Variants in SLMAP observed in about 807,000 individuals in gnomAD.
SLMAP encodes sarcolemmal membrane-associated protein.
A neutral mutation model predicts 128.8 loss-of-function variants in SLMAP; 44 were observed. The observed-to-expected ratio is 0.34, with a 90% confidence interval of 0.27 to 0.44. SLMAP has a LOEUF of 0.44. Ranked by LOEUF, SLMAP falls within the 20% of genes least tolerant of loss-of-function variation. SLMAP has a pLI of 1.00. For missense variants in SLMAP, 787 were observed against 985.3 expected, an observed-to-expected ratio of 0.80 and a Z score of 2.69; for synonymous variants, 327 against 348.8, an observed-to-expected ratio of 0.94 and a Z score of 0.70.
At chr3:57,883,292 A>T (rs1339186160) in intron 14 of SLMAP, among the ~76,000 whole-genome samples, 1 of 152,208 alleles carries the variant, frequency 6.6e-6, no homozygotes, top group Non-Finnish European at 1.5e-5. Flanking sequence ...TTTCTGGGTG[A>T]AGATGTTTGG....
intron 2 of SLMAP, among the ~76,000 whole-genome samples, chr3:57,827,828 A>G (rs2093031680): frequency 6.6e-6 from 1 of 151,994 alleles, no homozygotes; most frequent in African/African-American, 2.4e-5. Context: ...GGTTATCAGC[A>G]TAGAGGAGAA....
intron 13 of SLMAP, among the ~76,000 whole-genome samples, chr3:57,867,501 A>G (rs2095338338): frequency 6.6e-6 from 1 of 152,078 alleles, no homozygotes; most frequent in South Asian, 2.1e-4. Flanking sequence ...TTTTTTCCTT[A>G]TTTGTGTGCT....
chr3:57,785,036 T>C (rs1279939536), intron 2 of SLMAP, among the ~76,000 whole-genome samples: 4 of 152,170 alleles, frequency 2.6e-5, no homozygotes, highest in Non-Finnish European at 5.9e-5. Context: ...TTTATATATA[T>C]ATATAGTTAT....
intron 2 of SLMAP, 140 bp downstream of exon 2, chr3:57,757,989 T>C: frequency 5.8e-6 from 4 of 691,592 alleles, no homozygotes; most frequent in Non-Finnish European, 2.5e-6. Flanking sequence ...ATCAACTGTT[T>C]GTGTGCCTGG....
At chr3:57,838,790 G>A (rs898251922) in intron 3 of SLMAP, among the ~76,000 whole-genome samples, 4 of 152,166 alleles carry the variant, frequency 2.6e-5, no homozygotes, top group Non-Finnish European at 5.9e-5. Flanking sequence ...GGCTGTGAAA[G>A]GTAAAGTGCT....
At chr3:57,759,338 C>T (rs1465286225) in intron 2 of SLMAP, among the ~76,000 whole-genome samples, 2 of 150,566 alleles carry the variant, frequency 1.3e-5, no homozygotes, top group Admixed American at 6.6e-5. Flanking sequence ...AGTGCAGTGG[C>T]GCTATCTCAG....
chr3:57,911,374 G>A (rs188920978), intron 19 of SLMAP, among the ~76,000 whole-genome samples: 1 of 151,874 alleles, frequency 6.6e-6, no homozygotes, highest in South Asian at 2.1e-4. Flanking sequence ...AAATCCTCTT[G>A]TAATTAATTA....
In SLMAP at chr3:57,758,679, G is replaced by C. The variant is rs116609070; in HGVS notation, c.198+830G>C. On this transcript the variant is annotated intron_variant, in intron 2 of 24. Transcript: ENST00000671191. ...TTTCATTTTAAGCGTAACCAATTTA[G>C]TATTTTTATGTTAGTATCGTAAGTT... Among the ~76,000 whole-genome samples the C allele has an allele frequency of 7.1e-3, 1,079 of 152,238 alleles. 6 individuals carry two copies. The highest frequency in any genetic ancestry group is 0.012 in the Non-Finnish European group (795 of 68,006).
Position 57,761,305 on chromosome 3 carries a change from G to GT in SLMAP, c.198+3463dup, listed in dbSNP as rs1413409410. On this transcript the variant is annotated intron_variant, in intron 2 of 24. Coordinates refer to ENST00000671191, the MANE Select transcript of SLMAP (RefSeq NM_001377540.1). The stretch of plus-strand genomic sequence containing the variant: ...AATTTTGTTTTTGTTTTTGTTTTTT[G>GT]TTTTTTTGAGACGGAGTCTGGCTCT... 4.6e-5 allele frequency among the ~76,000 whole-genome samples: 7 copies of GT among 151,396 alleles called. No individual in the cohort carries two copies. In the East Asian group the frequency reaches 9.8e-4, roughly 21 times the overall value.
At chr3:57,817,538 A>G (rs1177229515) in intron 2 of SLMAP, among the ~76,000 whole-genome samples, 1 of 152,228 alleles carries the variant, frequency 6.6e-6, no homozygotes, top group African/African-American at 2.4e-5. Flanking sequence ...AGGATTGGGA[A>G]TACCCCAATC....
chr3:57,816,035 A>C (rs554541628), intron 2 of SLMAP, among the ~76,000 whole-genome samples: 1 of 152,210 alleles, frequency 6.6e-6, no homozygotes, highest in African/African-American at 2.4e-5. Flanking sequence ...CTTGATTTAA[A>C]TATAGGTAAA....
chr3:57,776,988 G>A (rs749511042), intron 2 of SLMAP, among the ~76,000 whole-genome samples: 2 of 151,236 alleles, frequency 1.3e-5, no homozygotes, highest in African/African-American at 2.4e-5. Flanking sequence ...CTTGTGGCCC[G>A]ACAGTATAGG....
intron 2 of SLMAP, among the ~76,000 whole-genome samples, chr3:57,813,451 A>G (rs1268918100): frequency 6.6e-6 from 1 of 152,120 alleles, no homozygotes; most frequent in Non-Finnish European, 1.5e-5. Flanking sequence ...AAGTTGTATC[A>G]ATTTATAGTC....
chr3:57,800,048 A>T (rs2087834046), intron 2 of SLMAP: 1 of 152,234 alleles, frequency 6.6e-6, no homozygotes, highest in Non-Finnish European at 1.5e-5. Flanking sequence ...AAAAAAATAA[A>T]AATCTACTTA....
intron 2 of SLMAP, among the ~76,000 whole-genome samples, chr3:57,829,457 C>T (rs1329094242): frequency 6.6e-6 from 1 of 151,590 alleles, no homozygotes; most frequent in African/African-American, 2.4e-5. Context: ...ACCACATTTC[C>T]CAAGAATATA....
intron 10 of SLMAP, among the ~76,000 whole-genome samples, chr3:57,863,946 C>T (rs749699147): frequency 3.6e-4 from 55 of 152,128 alleles, no homozygotes; most frequent in Non-Finnish European, 6.5e-4. Context: ...AATCTTACTT[C>T]CCTCTTTAAA....
In SLMAP at chr3:57,928,076, T is replaced by C. The variant is rs1467802577; in HGVS notation, c.*787T>C. ...GACATCAACTTTGAAAAACTTTCCA[T>C]GAGAGTGTATTTTCTTGAGCAAACT... is the stretch of plus-strand genomic sequence containing the variant. On this transcript the variant is annotated 3_prime_UTR_variant, in exon 25 of 25. Coordinates refer to ENST00000671191, the MANE Select transcript of SLMAP (RefSeq NM_001377540.1). 1 of 152,574 alleles carries C rather than the reference T, an allele frequency of 6.6e-6. No homozygotes were observed. Among genetic ancestry groups the C allele is most frequent in the Non-Finnish European group, 1.5e-5 (1 of 68,014 alleles). The allele number at this position is 152,574 out of a possible 1,614,324, so 9.5% of individuals were successfully genotyped here. A position where few individuals can be genotyped will look rare whatever the true frequency, so the allele number is the denominator to read the frequency against.
At chr3:57,831,581 A>ATT (rs775165545) in intron 3 of SLMAP, 51 bp downstream of exon 3, 5 of 1,243,946 alleles carry the variant, frequency 4.0e-6, no homozygotes, top group Non-Finnish European at 5.4e-6. Flanking sequence ...AGGTTATTTA[A>ATT]TTTTTTATTA....
chr3:57,854,995 T>C (rs1446608398), intron 6 of SLMAP, among the ~76,000 whole-genome samples: 1 of 152,212 alleles, frequency 6.6e-6, no homozygotes, highest in Non-Finnish European at 1.5e-5. Context: ...CCATACAGCA[T>C]GTTATTGTAC....
Sources: gnomAD v4.1 joint callset for allele counts (sites outside exome capture counted in the v4.1 genomes callset) on GRCh38, gnomAD v4.1.1 for gene constraint, MANE v1.5 for transcripts, NCBI Gene and HGNC (gene_info 2026-07-23, HGNC 2026-07-21) for gene names.